NAV1: variants seen among roughly 807,000 people sequenced by gnomAD.
NAV1 encodes pore membrane and/or filament interacting like protein 3.
Under a neutral mutation model 175.2 loss-of-function variants are expected in NAV1, and 18 were observed. The ratio of observed to expected loss-of-function variants is 0.10; its 90% CI spans 0.07 to 0.15. The LOEUF (loss-of-function observed/expected upper bound fraction) is 0.15. Among genes scored for constraint, NAV1 ranks in the 10% least tolerant of loss-of-function variants. NAV1 has a pLI of 1.00. For missense variants in NAV1, 1,731 were observed against 2,436.6 expected (o/e 0.71, Z 6.10); for synonymous variants, 897 against 978.7 (o/e 0.92, Z 1.56).
At chr1:201,669,963 AT>A (rs753596298) in intron 1 of NAV1, among the ~76,000 whole-genome samples, 82 of 149,814 alleles carry the variant, frequency 5.5e-4, no homozygotes, top group African/African-American at 1.5e-3. Context: ...CTGTGCATTG[AT>A]TTTTTTTTTC....
At chr1:201,811,681 C>G (rs755046149) in exon 25 of NAV1, 4 of 1,613,652 alleles carry the variant, frequency 2.5e-6, no homozygotes, top group Non-Finnish European at 3.4e-6. Flanking sequence ...CCTGGTGATT[C>G]TATTGGATGA....
At chr1:201,709,048 C>T (rs11578497) in intron 1 of NAV1, among the ~76,000 whole-genome samples, 1 of 150,542 alleles carries the variant, frequency 6.6e-6, no homozygotes, top group African/African-American at 2.5e-5. Context: ...ACTCAGGAGG[C>T]TAAGGTGGGA....
intron 2 of NAV1, among the ~76,000 whole-genome samples, chr1:201,716,508 G>T (rs1032707000): frequency 6.6e-6 from 1 of 152,184 alleles, no homozygotes; most frequent in Non-Finnish European, 1.5e-5. Flanking sequence ...GAGATGTGAT[G>T]TCTAGGTCCA....
chr1:201,627,375 C>T (rs1371389917), intron 1 of NAV1, among the ~76,000 whole-genome samples: 4 of 152,018 alleles, frequency 2.6e-5, no homozygotes, highest in East Asian at 1.9e-4. Context: ...CTGGTTCAAG[C>T]GATCCTCCTG....
In NAV1 at chr1:201,673,642, A is replaced by G. The variant is rs116260845; in HGVS notation, c.757+24217A>G. ...CTGCCCTCAGAGAGCCCCCATTCTG[A>G]TGTGGGAGAGAGGGCAGAAGAGTTC... On this transcript the variant is annotated intron_variant, in intron 1 of 29. Transcript: ENST00000367296. 9.0e-3 allele frequency among the ~76,000 whole-genome samples: 1,369 copies of G among 152,234 alleles called. 23 individuals carry two copies. The highest frequency in any genetic ancestry group is 0.03 in the African/African-American group (1,257 of 41,518).
chr1:201,778,234 T>C (rs572544374), intron 3 of NAV1, among the ~76,000 whole-genome samples: 1 of 152,208 alleles, frequency 6.6e-6, no homozygotes, highest in East Asian at 1.9e-4. Flanking sequence ...TATTAAACTT[T>C]CCATAAATGT....
intron 3 of NAV1, among the ~76,000 whole-genome samples, chr1:201,767,810 T>G (rs1675310001): frequency 6.6e-6 from 1 of 152,182 alleles, no homozygotes; most frequent in African/African-American, 2.4e-5. Context: ...CTGAGTGACC[T>G]TTGGGGAAGT....
At chr1:201,785,736 A>G (rs929974558) in intron 8 of NAV1, among the ~76,000 whole-genome samples, 4 of 150,828 alleles carry the variant, frequency 2.7e-5, no homozygotes, top group African/African-American at 4.9e-5. Context: ...CTACCTGGTC[A>G]TCCACTGTTC....
At chr1:201,697,037 C>A (rs1671222058) in intron 1 of NAV1, among the ~76,000 whole-genome samples, 1 of 152,218 alleles carries the variant, frequency 6.6e-6, no homozygotes, top group African/African-American at 2.4e-5. Flanking sequence ...TTCAGCACAT[C>A]TTATTAAGTC....
intron 1 of NAV1, among the ~76,000 whole-genome samples, chr1:201,671,228 C>A: frequency 6.6e-6 from 1 of 152,168 alleles, no homozygotes; most frequent in East Asian, 1.9e-4. Flanking sequence ...GTATTATCTT[C>A]CCCAGGATAT....
chr1:201,578,300 T>A (rs897087044), intron 1 of NAV1, among the ~76,000 whole-genome samples: 4 of 152,242 alleles, frequency 2.6e-5, no homozygotes, highest in African/African-American at 4.8e-5. Flanking sequence ...AACACTTCAG[T>A]TACTGTATTT....
chr1:201,761,079 T>A (rs1255580068), intron 3 of NAV1, among the ~76,000 whole-genome samples: 1 of 152,188 alleles, frequency 6.6e-6, no homozygotes, highest in Non-Finnish European at 1.5e-5. Flanking sequence ...CCCTCTATCT[T>A]GACTCAGGAT....
At chr1:201,796,174 T>C (rs1571501840) in intron 15 of NAV1, 1 of 152,314 alleles carries the variant, frequency 6.6e-6, no homozygotes, top group South Asian at 2.1e-4. Flanking sequence ...TTTTTTGTTC[T>C]CTGGGGTATA....
chr1:201,541,462 G>T (rs1026361773), intron 1 of NAV1, among the ~76,000 whole-genome samples: 1 of 152,182 alleles, frequency 6.6e-6, no homozygotes, highest in Admixed American at 6.5e-5. Flanking sequence ...CTGGGATCTG[G>T]CTTCTTTGAT....
At chr1:201,784,668 C>T (rs1423028511) in intron 7 of NAV1, among the ~76,000 whole-genome samples, 2 of 150,756 alleles carry the variant, frequency 1.3e-5, no homozygotes, top group African/African-American at 4.9e-5. Context: ...CTCCCGGGAG[C>T]TGCAACTACA....
At chr1:201,700,932 A>G (rs1314727275) in intron 1 of NAV1, among the ~76,000 whole-genome samples, 2 of 138,706 alleles carry the variant, frequency 1.4e-5, no homozygotes, top group Non-Finnish European at 3.0e-5. Context: ...AATGATGTGA[A>G]CCCGGGAGGC....
chr1:201,794,431 G>A lies in NAV1; in HGVS notation c.3406-35G>A, dbSNP rs755266312. 78 of 1,590,798 alleles carry A rather than the reference G, an allele frequency of 4.9e-5. No individual in the cohort carries two copies. The East Asian group carries it at 9.4e-4, about 19-fold the overall frequency. On this transcript the variant is annotated intron_variant, in intron 14 of 29. Coordinates refer to ENST00000367296, the Ensembl canonical transcript of NAV1. ...GCTGGGATTATAGGTGTGAGCCACC[G>A]TGCCCAGCCAACGCTATTTTCATTT... is the stretch of plus-strand genomic sequence containing the variant.
In NAV1 at chr1:201,651,122, CGTGT is replaced by C. The variant is rs60462710; in HGVS notation, c.757+1732_757+1735del. ...AAAGCAGGGTGAGAGAGGAAGGGAC[CGTGT>C]GTGTGTGTGTGTGTGTGTGTGTGTG... On this transcript the variant is annotated intron_variant, in intron 1 of 29. Transcript: ENST00000367296. 3.4e-3 allele frequency among the ~76,000 whole-genome samples: 444 copies of C among 129,148 alleles called. 2 individuals are homozygous for C. The highest frequency in any genetic ancestry group is 7.8e-3 in the African/African-American group (279 of 35,692). The allele number at this position is 129,148 out of a possible 152,430, so 84.7% of individuals were successfully genotyped here.
chr1:201,596,582 T>C (rs1011695459), intron 2 of NAV1, among the ~76,000 whole-genome samples: 92 of 152,374 alleles, frequency 6.0e-4, no homozygotes, highest in Middle Eastern at 3.4e-3. Context: ...GCTCTGTCTT[T>C]GGCCCAGACT....
Sources: allele counts gnomAD v4.1 joint callset (sites outside exome capture counted in the v4.1 genomes callset), GRCh38; gene constraint gnomAD v4.1.1; transcripts MANE v1.5; gene names NCBI Gene and HGNC (gene_info 2026-07-23, HGNC 2026-07-21).